Variants in KPNB1 observed in about 807,000 individuals in gnomAD.
KPNB1 encodes karyopherin subunit beta 1, also known as importin subunit beta-1.
A neutral mutation model predicts 113.0 loss-of-function variants in KPNB1; 7 were observed. That is an observed-to-expected ratio of 0.06 (90% CI 0.04 to 0.12). KPNB1 has a LOEUF of 0.12. KPNB1 is among the 10% of genes least tolerant of loss of function. KPNB1 has a pLI of 1.00. For synonymous variants in KPNB1, 363 were observed against 378.6 expected (o/e 0.96, Z 0.48); for missense variants, 400 against 1,054.8 (o/e 0.38, Z 8.60).
chr17:47,656,110 C>T (rs183598531), intron 3 of KPNB1, among the ~76,000 whole-genome samples: 2 of 151,968 alleles, frequency 1.3e-5, no homozygotes, highest in African/African-American at 2.4e-5. Context: ...AAAAACTAGC[C>T]GGGCATGGTG....
rs2030815361 is a variant in KPNB1 at position 47,682,529 on chromosome 17, G to C, written c.*125G>C. 1 of 731,898 alleles carries C rather than the reference G, an allele frequency of 1.4e-6. No homozygotes were observed. Among genetic ancestry groups the C allele is most frequent in the East Asian group, 2.5e-5 (1 of 40,390 alleles). 45.3% of individuals were successfully genotyped at this position (731,898 alleles called of 1,614,324 possible). A position where few individuals can be genotyped will look rare whatever the true frequency, so the allele number is the denominator to read the frequency against. On this transcript the variant is annotated 3_prime_UTR_variant, in exon 22 of 22. Coordinates refer to ENST00000290158, the MANE Select transcript of KPNB1 (RefSeq NM_002265.6). Reference sequence around the variant, plus strand: ...GGGAATGAGAGGATGAGTGAGTGAGGCTTGAAAACACACCACATTGAAAAT... The same window carrying C: ...GGGAATGAGAGGATGAGTGAGTGAGCCTTGAAAACACACCACATTGAAAAT...
Position 47,664,142 on chromosome 17 carries a change from G to T in KPNB1, c.787-17G>T. ...AATCAGTACTTATTTGGGGCCTGGG[G>T]TGTTTTTCTTCTTAAGATCACAATC... On this transcript the variant is annotated splice_polypyrimidine_tract_variant and intron_variant, in intron 7 of 21. Coordinates refer to ENST00000290158, the MANE Select transcript of KPNB1 (RefSeq NM_002265.6). 1 of 1,541,758 alleles carries T rather than the reference G, an allele frequency of 6.5e-7. No homozygotes were observed. Among genetic ancestry groups the T allele is most frequent in the Non-Finnish European group, 9.0e-7 (1 of 1,114,484 alleles).
intron 2 of KPNB1, chr17:47,651,239 T>C: frequency 4.1e-6 from 4 of 985,368 alleles, no homozygotes; most frequent in Non-Finnish European, 4.8e-6. Context: ...CGCTAGAGAC[T>C]GGTCCTTTGT....
chr17:47,663,030 T>A (rs2030155459), intron 6 of KPNB1, 59 bp from the exon 7 acceptor site: 2 of 907,160 alleles, frequency 2.2e-6, no homozygotes, highest in Non-Finnish European at 3.7e-6. Context: ...TGAGTGAATC[T>A]AACTTTGTCA....
At position 47,685,464 on chromosome 17, in the gene KPNB1, C is replaced by T. The variant is rs1217863802; in HGVS notation, c.*3060C>T. 5 of 151,916 alleles carry T rather than the reference C, an allele frequency of 3.3e-5. No homozygotes were observed. The highest frequency in any genetic ancestry group is 2.1e-4 in the South Asian group (1 of 4,820). 9.4% of individuals were successfully genotyped at this position (151,916 alleles called of 1,614,324 possible). A position where few individuals can be genotyped will look rare whatever the true frequency, so the allele number is the denominator to read the frequency against. The stretch of plus-strand genomic sequence containing the variant: ...GATTAACCAAAACCGATAACCACCA[C>T]CTTTATCTTCTAAATAAAGTCCGCT... On this transcript the variant is annotated 3_prime_UTR_variant, in exon 22 of 22. Coordinates refer to ENST00000290158, the MANE Select transcript of KPNB1 (RefSeq NM_002265.6).
intron 17 of KPNB1, among the ~76,000 whole-genome samples, chr17:47,677,645 T>C (rs2030654966): frequency 6.6e-6 from 1 of 152,094 alleles, no homozygotes. Context: ...AACAGTAAAA[T>C]GCAAAGGAAA....
chr17:47,678,019 T>G, intron 17 of KPNB1, 27 bp from the exon 18 acceptor site: 2 of 1,601,546 alleles, frequency 1.2e-6, no homozygotes, highest in South Asian at 1.1e-5. Context: ...TTTGACTTAA[T>G]TCACTTTTCC....
At chr17:47,653,769 G>A (rs1915644410) in intron 3 of KPNB1, among the ~76,000 whole-genome samples, 1 of 152,194 alleles carries the variant, frequency 6.6e-6, no homozygotes, top group African/African-American at 2.4e-5. Context: ...CTGTAAGGCA[G>A]TAACTTCTGT....
intron 12 of KPNB1, 110 bp from the exon 13 acceptor site, chr17:47,672,908 G>A (rs1034118352): frequency 1.0e-6 from 1 of 962,410 alleles, no homozygotes; most frequent in African/African-American, 1.7e-5. Flanking sequence ...ACTCAAACCA[G>A]GTCTGCAGAC....
At chr17:47,681,686 G>GTTTTTTTTTGTTT (rs2030783889) in intron 21 of KPNB1, among the ~76,000 whole-genome samples, 1 of 96,034 alleles carries the variant, frequency 1.0e-5, no homozygotes, top group Non-Finnish European at 1.9e-5. Context: ...GGAATTATAG[G>GTTTTTTTTTGTTT]TTTTTTTTTT....
intron 21 of KPNB1, among the ~76,000 whole-genome samples, chr17:47,681,984 C>T (rs2030800327): frequency 6.6e-6 from 1 of 152,084 alleles, no homozygotes; most frequent in Admixed American, 6.5e-5. Context: ...AGGCAAGCAC[C>T]TCCATGACTG....
chr17:47,673,780 G>A, intron 14 of KPNB1: 1 of 538,160 alleles, frequency 1.9e-6, no homozygotes, highest in East Asian at 3.0e-5. Context: ...CTTATTTACA[G>A]ATGGTCTAGA....
At chr17:47,658,758 A>G (rs2029987672) in intron 5 of KPNB1, 98 bp downstream of exon 5, 3 of 995,228 alleles carry the variant, frequency 3.0e-6, no homozygotes, top group African/African-American at 3.3e-5. Context: ...ATGGTTTAGA[A>G]AGTACCACCT....
chr17:47,669,807 C>T lies in KPNB1; in HGVS notation c.1354C>T (p.Leu452=), dbSNP rs1030266702. Residue 452 remains leucine (L), a synonymous_variant, in exon 11 of 22, where the codon CTG becomes TTG. Coordinates refer to ENST00000290158, the MANE Select transcript of KPNB1 (RefSeq NM_002265.6). ...CATCAATGATGTCTACTTGGCTCCC[C>T]TGCTACAGTGTCTGATTGAGGGTCT... is the stretch of plus-strand genomic sequence containing the variant. The part of the protein sequence containing the change: ...AAINDVYLAP[L]LQCLIEGLSA... 1 of 1,614,166 alleles carries T rather than the reference C, an allele frequency of 6.2e-7. No individual in the cohort carries two copies. The highest frequency in any genetic ancestry group is 8.5e-7 in the Non-Finnish European group (1 of 1,179,994).
At chr17:47,663,844 G>A (rs1403249557) in intron 7 of KPNB1, among the ~76,000 whole-genome samples, 1 of 152,040 alleles carries the variant, frequency 6.6e-6, no homozygotes, top group Non-Finnish European at 1.5e-5. Flanking sequence ...AATAAGCTGG[G>A]TGAGGTGGCA....
At chr17:47,671,652 T>G (rs1200239265) in intron 12 of KPNB1, 1 of 152,022 alleles carries the variant, frequency 6.6e-6, no homozygotes, top group Non-Finnish European at 1.5e-5. Flanking sequence ...CTCAGCCTCC[T>G]GGGTAGCTGG....
At chr17:47,678,666 C>T (rs2030684816) in intron 19 of KPNB1, 1 of 402,580 alleles carries the variant, frequency 2.5e-6, no homozygotes, top group Non-Finnish European at 4.6e-6. Context: ...GGAGTGCAGT[C>T]GTGCAATCTC....
chr17:47,652,933 C>T, intron 3 of KPNB1, 57 bp downstream of exon 3: 1 of 1,371,592 alleles, frequency 7.3e-7, no homozygotes, highest in Non-Finnish European at 9.9e-7. Context: ...ATCGCTTTCT[C>T]AGATCTTTTG....
At chr17:47,651,659 C>T (rs1915574512) in intron 2 of KPNB1, among the ~76,000 whole-genome samples, 2 of 152,192 alleles carry the variant, frequency 1.3e-5, no homozygotes, top group Admixed American at 1.3e-4. Context: ...TCCTAACATT[C>T]TTAACATTCT....
Sources: gnomAD v4.1 joint callset for allele counts (sites outside exome capture counted in the v4.1 genomes callset) on GRCh38, gnomAD v4.1.1 for gene constraint, MANE v1.5 for transcripts, NCBI Gene and HGNC (gene_info 2026-07-23, HGNC 2026-07-21) for gene names.